Variants in C12orf54 observed in about 807,000 individuals in gnomAD.
The protein encoded by C12orf54 is uncharacterized protein C12orf54.
Under a neutral mutation model 26.4 loss-of-function variants are expected in C12orf54, and 24 were observed. That is an observed-to-expected ratio of 0.91 (90% CI 0.66 to 1.28). The LOEUF (loss-of-function observed/expected upper bound fraction) is 1.28, where lower values mean the gene tolerates loss of function less well. Among genes scored for constraint, C12orf54 ranks in the 50% most tolerant of loss-of-function variants. C12orf54 has a pLI of 0.00. For synonymous variants in C12orf54, 54 were observed against 47.0 expected, an observed-to-expected ratio of 1.15 and a Z score of -0.61; for missense variants, 154 against 150.9, an observed-to-expected ratio of 1.02 and a Z score of -0.11.
chr12:48,491,020 T>A (rs911654742), intron 6 of C12orf54, among the ~76,000 whole-genome samples, 184 bp downstream of exon 6: 1 of 152,238 alleles, frequency 6.6e-6, no homozygotes, highest in African/African-American at 2.4e-5. Flanking sequence ...TGTTCTCTTT[T>A]CTTCCCCTGC....
chr12:48,463,935 A>C, the C12orf54 span, among the ~76,000 whole-genome samples: 1 of 152,146 alleles, frequency 6.6e-6, no homozygotes, highest in Non-Finnish European at 1.5e-5. Flanking sequence ...ACATACCTCA[A>C]AATAATAAGA....
the C12orf54 span, among the ~76,000 whole-genome samples, chr12:48,469,985 G>T: frequency 3.9e-5 from 6 of 152,106 alleles, no homozygotes; most frequent in Non-Finnish European, 7.4e-5. Flanking sequence ...TAGGATTATG[G>T]CCTCCATCTC....
At chr12:48,440,472 G>A in the C12orf54 span, among the ~76,000 whole-genome samples, 1 of 152,148 alleles carries the variant, frequency 6.6e-6, no homozygotes, top group South Asian at 2.1e-4. Context: ...CATCTAAAGG[G>A]TCTTTGTTAA....
the C12orf54 span, among the ~76,000 whole-genome samples, chr12:48,425,467 C>A: frequency 1.8e-4 from 27 of 152,064 alleles, no homozygotes; most frequent in Non-Finnish European, 3.4e-4. Context: ...TTTCTTTATC[C>A]AATCTGTCAT....
At chr12:48,453,580 C>CACATATAT in the C12orf54 span, among the ~76,000 whole-genome samples, 103 of 74,380 alleles carry the variant, frequency 1.4e-3, 16 homozygotes, top group Admixed American at 0.013. Flanking sequence ...TACACATATA[C>CACATATAT]ACATATATAT....
the C12orf54 span, among the ~76,000 whole-genome samples, chr12:48,453,158 T>C: frequency 1.3e-5 from 2 of 152,078 alleles, no homozygotes; most frequent in African/African-American, 4.8e-5. Context: ...TATGCAGCCA[T>C]AAAAAGGAAC....
chr12:48,474,999 G>C, the C12orf54 span, among the ~76,000 whole-genome samples: 1 of 152,220 alleles, frequency 6.6e-6, no homozygotes, highest in African/African-American at 2.4e-5. Context: ...GCACCCCCCA[G>C]TAGGGGCAGA....
chr12:48,419,063 G>C, the C12orf54 span, among the ~76,000 whole-genome samples: 1 of 152,184 alleles, frequency 6.6e-6, no homozygotes, highest in Non-Finnish European at 1.5e-5. Flanking sequence ...GATGTTGGTT[G>C]AGATGATGTA....
chr12:48,491,654 A>G (rs1470428997), intron 6 of C12orf54, among the ~76,000 whole-genome samples: 2 of 152,162 alleles, frequency 1.3e-5, no homozygotes, highest in African/African-American at 4.8e-5. Context: ...GAATGGAATG[A>G]TTATTCTGGG....
the C12orf54 span, among the ~76,000 whole-genome samples, chr12:48,415,782 G>C: frequency 6.6e-6 from 1 of 152,116 alleles, no homozygotes; most frequent in Middle Eastern, 3.4e-3. Flanking sequence ...CCATTTTCTA[G>C]AGCTTCAAAA....
chr12:48,428,551 A>G, the C12orf54 span, among the ~76,000 whole-genome samples: 1 of 152,158 alleles, frequency 6.6e-6, no homozygotes, highest in East Asian at 1.9e-4. Flanking sequence ...CTTTATCCAC[A>G]CAAACTAGAA....
intron 6 of C12orf54, among the ~76,000 whole-genome samples, chr12:48,492,412 G>A (rs1289807073): frequency 6.6e-6 from 1 of 152,198 alleles, no homozygotes; most frequent in Non-Finnish European, 1.5e-5. Context: ...TCTGCTTAGA[G>A]AATGCTCTCC....
chr12:48,436,198 A>G, the C12orf54 span, among the ~76,000 whole-genome samples: 2 of 152,230 alleles, frequency 1.3e-5, no homozygotes, highest in African/African-American at 4.8e-5. Flanking sequence ...CAATTCAACA[A>G]GAAGAACTAA....
the C12orf54 span, among the ~76,000 whole-genome samples, chr12:48,428,421 G>A: frequency 6.6e-6 from 1 of 151,836 alleles, no homozygotes; most frequent in Non-Finnish European, 1.5e-5. Flanking sequence ...TAGACCATTA[G>A]CAAGATTAAC....
the C12orf54 span, among the ~76,000 whole-genome samples, chr12:48,464,001 C>G: frequency 6.6e-6 from 1 of 152,044 alleles, no homozygotes; most frequent in South Asian, 2.1e-4. Flanking sequence ...AAGCTAGAAG[C>G]ATTCCCCTTG....
the C12orf54 span, among the ~76,000 whole-genome samples, chr12:48,455,259 G>C: frequency 6.6e-6 from 1 of 152,050 alleles, no homozygotes; most frequent in Non-Finnish European, 1.5e-5. Context: ...CATCCATGTT[G>C]CTCCAAAAGC....
chr12:48,430,522 T>C, the C12orf54 span, among the ~76,000 whole-genome samples: 1 of 152,032 alleles, frequency 6.6e-6, no homozygotes, highest in South Asian at 2.1e-4. Flanking sequence ...AAAGAAGATA[T>C]ACAAATGGCC....
At chr12:48,488,577 C>A in intron 4 of C12orf54, 1 of 386,384 alleles carries the variant, frequency 2.6e-6, no homozygotes, top group Non-Finnish European at 4.8e-6. Context: ...AAATAAATAC[C>A]TGTTGATTTG....
the C12orf54 span, among the ~76,000 whole-genome samples, chr12:48,439,832 G>A: frequency 6.6e-6 from 1 of 151,938 alleles, no homozygotes; most frequent in Non-Finnish European, 1.5e-5. Context: ...CACCAACATG[G>A]CATATGTATA....
Sources: allele counts gnomAD v4.1 joint callset (sites outside exome capture counted in the v4.1 genomes callset), GRCh38; gene constraint gnomAD v4.1.1; transcripts MANE v1.5; gene names NCBI Gene and HGNC (gene_info 2026-07-23, HGNC 2026-07-21).